Variants in ARHGAP24 observed in about 807,000 individuals in gnomAD.
The protein encoded by ARHGAP24 is Rho GTPase activating protein 24.
In ARHGAP24, 50 loss-of-function variants were observed where a neutral mutation model predicts 76.4. The ratio of observed to expected loss-of-function variants is 0.65; its 90% confidence interval spans 0.52 to 0.83. ARHGAP24 has a LOEUF of 0.83. Ranked by LOEUF, ARHGAP24 falls within the 40% of genes least tolerant of loss-of-function variation. The probability of loss-of-function intolerance (pLI) is 0.00; values close to 1 mark genes in which losing one functional copy is unlikely to be tolerated. For synonymous variants in ARHGAP24, 345 were observed against 323.3 expected (o/e 1.07, Z -0.72); for missense variants, 930 against 914.2 (o/e 1.02, Z -0.22).
chr4:85,924,417 A>C (rs919879204), intron 4 of ARHGAP24, among the ~76,000 whole-genome samples: 2 of 152,222 alleles, frequency 1.3e-5, no homozygotes, highest in African/African-American at 4.8e-5. Flanking sequence ...TCATATAAAC[A>C]GAAAAAGTAT....
chr4:85,839,853 T>TC (rs1560663622), intron 3 of ARHGAP24, among the ~76,000 whole-genome samples: 2 of 131,890 alleles, frequency 1.5e-5, no homozygotes, highest in African/African-American at 5.8e-5. Context: ...CTTTTTTTTT[T>TC]TTTTTTTTTT....
At chr4:85,715,439 CT>C (rs555764837) in intron 2 of ARHGAP24, among the ~76,000 whole-genome samples, 157 of 152,130 alleles carry the variant, frequency 1.0e-3, no homozygotes, top group African/African-American at 3.5e-3. Flanking sequence ...GTACCAGGCA[CT>C]TTTGTACAAA....
chr4:85,845,546 T>C (rs1196745797), intron 3 of ARHGAP24, among the ~76,000 whole-genome samples: 2 of 152,232 alleles, frequency 1.3e-5, no homozygotes, highest in Non-Finnish European at 2.9e-5. Context: ...ACACTATGTG[T>C]ATTTGCCTTC....
chr4:85,788,787 G>T (rs1727975878), intron 3 of ARHGAP24, among the ~76,000 whole-genome samples: 1 of 152,150 alleles, frequency 6.6e-6, no homozygotes, highest in Admixed American at 6.5e-5. Flanking sequence ...AGCCCATACT[G>T]GTAATGAGTG....
intron 1 of ARHGAP24, among the ~76,000 whole-genome samples, chr4:85,521,101 G>C (rs1331935543): frequency 1.3e-5 from 2 of 152,158 alleles, no homozygotes; most frequent in Non-Finnish European, 2.9e-5. Context: ...GTAAGTCATA[G>C]GATGAATTGG....
chr4:85,936,385 A>G (rs964481016), intron 4 of ARHGAP24, among the ~76,000 whole-genome samples: 1 of 152,106 alleles, frequency 6.6e-6, no homozygotes, highest in Non-Finnish European at 1.5e-5. Context: ...ACCCATCTTG[A>G]TAAGTTCCAG....
intron 1 of ARHGAP24, among the ~76,000 whole-genome samples, chr4:85,528,991 T>G (rs1049381597): frequency 6.6e-6 from 1 of 152,170 alleles, no homozygotes; most frequent in African/African-American, 2.4e-5. Context: ...GAGGTCAGTA[T>G]TGGGATCTGA....
At chr4:85,895,067 C>T (rs575000881) in intron 3 of ARHGAP24, among the ~76,000 whole-genome samples, 20 of 142,930 alleles carry the variant, frequency 1.4e-4, no homozygotes, top group Non-Finnish European at 2.6e-4. Flanking sequence ...AAGATCGGGA[C>T]GGAGTAAGAG....
At position 85,942,173 on chromosome 4, in the gene ARHGAP24, G is replaced by A. The variant is rs749562802; in HGVS notation, c.499G>A (p.Gly167Arg). 6 of 1,614,006 alleles carry A rather than the reference G, an allele frequency of 3.7e-6. No homozygotes were observed. The highest frequency in any genetic ancestry group is 1.1e-5 in the South Asian group (1 of 91,060). Residue 167 changes from glycine (G) to arginine (R), a missense_variant, in exon 5 of 10, where the codon GGG becomes AGG. By Grantham distance (125) the Gly-to-Arg change is moderately radical. Coordinates refer to ENST00000395184, the MANE Select transcript of ARHGAP24 (RefSeq NM_001025616.3). Reference protein sequence around the residue: ...EQCVDFIRQRGLKEEGLFRLP... With the variant: ...EQCVDFIRQRRLKEEGLFRLP... Reference sequence around the variant, plus strand: ...GTGCGTGGACTTTATCCGACAAAGGGGGCTGAAAGAAGAGGGTCTCTTTCG... The same window carrying A: ...GTGCGTGGACTTTATCCGACAAAGGAGGCTGAAAGAAGAGGGTCTCTTTCG...
intron 5 of ARHGAP24, among the ~76,000 whole-genome samples, chr4:85,959,520 A>G (rs346480): frequency 0.36 from 54,133 of 152,076 alleles, 9,827 homozygotes; most frequent in East Asian, 0.53. Flanking sequence ...TCCATGTCAT[A>G]ACATATATCA....
chr4:85,894,960 C>CAAAAAAAAAAAAAA (rs540459367), intron 3 of ARHGAP24, among the ~76,000 whole-genome samples: 1 of 35,352 alleles, frequency 2.8e-5, no homozygotes, highest in Non-Finnish European at 6.5e-5. Flanking sequence ...GACTCCCTCT[C>CAAAAAAAAAAAAAA]AAAAAAAAAA....
intron 4 of ARHGAP24, among the ~76,000 whole-genome samples, chr4:85,940,869 T>G (rs1365463536): frequency 6.6e-6 from 1 of 152,234 alleles, no homozygotes. Context: ...TAAGAATATT[T>G]TCTTTGGTAA....
chr4:85,669,584 A>G (rs1240893087), intron 2 of ARHGAP24, among the ~76,000 whole-genome samples: 2 of 149,636 alleles, frequency 1.3e-5, no homozygotes, highest in East Asian at 1.9e-4. Flanking sequence ...ATGCTTACAT[A>G]TATATTAAAA....
chr4:85,502,742 A>G (rs1044308552), intron 1 of ARHGAP24, among the ~76,000 whole-genome samples: 2 of 152,162 alleles, frequency 1.3e-5, no homozygotes, highest in Non-Finnish European at 2.9e-5. Flanking sequence ...CCTGGCCAGA[A>G]CTTCCAACAC....
chr4:85,710,560 T>C (rs1417725717), intron 2 of ARHGAP24, among the ~76,000 whole-genome samples: 1 of 152,196 alleles, frequency 6.6e-6, no homozygotes, highest in African/African-American at 2.4e-5. Context: ...ATTTGCATAC[T>C]ATGCCTCTGA....
At chr4:85,617,781 G>A (rs554183693) in intron 2 of ARHGAP24, among the ~76,000 whole-genome samples, 1 of 152,186 alleles carries the variant, frequency 6.6e-6, no homozygotes, top group African/African-American at 2.4e-5. Context: ...GTTTCCTATG[G>A]AAATTTTATC....
chr4:85,815,383 T>C (rs542566317), intron 3 of ARHGAP24, among the ~76,000 whole-genome samples: 7 of 152,338 alleles, frequency 4.6e-5, no homozygotes, highest in African/African-American at 1.4e-4. Context: ...TAAAACTGAA[T>C]GCCTTTAACA....
intron 2 of ARHGAP24, among the ~76,000 whole-genome samples, chr4:85,720,373 G>C (rs1724885211): frequency 6.6e-6 from 1 of 152,170 alleles, no homozygotes; most frequent in East Asian, 1.9e-4. Flanking sequence ...TTAGAGAGTG[G>C]TAGTAGTAGA....
chr4:85,875,945 G>A (rs1282235751), intron 3 of ARHGAP24, among the ~76,000 whole-genome samples: 1 of 151,748 alleles, frequency 6.6e-6, no homozygotes, highest in Non-Finnish European at 1.5e-5. Context: ...GTTTCACTAT[G>A]TTGGCCAGGC....
Sources: gnomAD v4.1 joint callset for allele counts (sites outside exome capture counted in the v4.1 genomes callset) on GRCh38, gnomAD v4.1.1 for gene constraint, MANE v1.5 for transcripts, NCBI Gene and HGNC (gene_info 2026-07-23, HGNC 2026-07-21) for gene names.